NFE2L1: variants seen among roughly 807,000 people sequenced by gnomAD.
NFE2L1 encodes the protein endoplasmic reticulum membrane sensor NFE2L1.
Under a neutral mutation model 61.6 loss-of-function variants are expected in NFE2L1, and 18 were observed. The ratio of observed to expected loss-of-function variants is 0.29; its 90% CI spans 0.20 to 0.43. NFE2L1 has a LOEUF of 0.43. Ranked by LOEUF, NFE2L1 falls within the 20% of genes least tolerant of loss-of-function variation. NFE2L1 has a pLI of 1.00. For missense variants in NFE2L1, 827 were observed against 973.5 expected (o/e 0.85, Z 2.00); for synonymous variants, 419 against 402.7 (o/e 1.04, Z -0.48).
intron 5 of NFE2L1, 148 bp downstream of exon 5, chr17:48,057,650 G>C: frequency 1.9e-6 from 2 of 1,059,030 alleles, no homozygotes; most frequent in Non-Finnish European, 2.7e-6. Context: ...ACCTGTCCAG[G>C]TGTGTCCTTG....
rs2037529153 is a variant in NFE2L1 at position 48,060,584 on chromosome 17, T to G, written c.*943T>G. On this transcript the variant is annotated 3_prime_UTR_variant, in exon 6 of 6. Transcript: ENST00000362042. Reference sequence around the variant, plus strand: ...AGCTCTTCTGTAAGCTGGGGTAGGGTGATGGCAGTGCTCCGGGAACTGGGC... The same window carrying G: ...AGCTCTTCTGTAAGCTGGGGTAGGGGGATGGCAGTGCTCCGGGAACTGGGC... 6.5e-6 allele frequency: 1 copy of G among 152,716 alleles called. No homozygotes were observed. The highest frequency in any genetic ancestry group is 1.5e-5 in the Non-Finnish European group (1 of 68,188). 9.5% of individuals were successfully genotyped at this position (152,716 alleles called of 1,614,324 possible). A position where few individuals can be genotyped will look rare whatever the true frequency, so the allele number is the denominator to read the frequency against.
Position 48,058,831 on chromosome 17 carries a change from CTCTTCCTCTTCTTCCTCTGCT to C in NFE2L1, c.1519_1539del (p.Ser507_Ser513del). On this transcript the variant is annotated inframe_deletion, in exon 6 of 6. Coordinates refer to ENST00000362042, the MANE Select transcript of NFE2L1 (RefSeq NM_003204.3). ...GCAGTTCTTCCTCTTCTTCCTCCTC[CTCTTCCTCTTCTTCCTCTGCT>C]TCTTCCTCTGCCTCTTCCTCCTTTT... 1 of 1,613,938 alleles carries C rather than the reference CTCTTCCTCTTCTTCCTCTGCT, an allele frequency of 6.2e-7. No individual in the cohort carries two copies. The highest frequency in any genetic ancestry group is 8.5e-7 in the Non-Finnish European group (1 of 1,179,966).
chr17:48,052,870 A>G (rs1057400817), intron 2 of NFE2L1, among the ~76,000 whole-genome samples: 4 of 152,192 alleles, frequency 2.6e-5, no homozygotes, highest in Admixed American at 2.0e-4. Flanking sequence ...TCAGTAGTGC[A>G]GGGATTGAGA....
chr17:48,051,674 G>A (rs760134170), intron 2 of NFE2L1, 46 bp downstream of exon 2: 1 of 1,564,818 alleles, frequency 6.4e-7, no homozygotes, highest in Non-Finnish European at 8.6e-7. Flanking sequence ...GCTTGGGGGT[G>A]GGCTGGTCCC....
rs931177983 is a variant in NFE2L1, at chr17:48,050,624, C to A, written c.-495C>A. 2 of 411,304 alleles carry A rather than the reference C, an allele frequency of 4.9e-6. No individual in the cohort carries two copies. The highest frequency in any genetic ancestry group is 4.3e-6 in the Non-Finnish European group (1 of 232,416). 25.5% of individuals were successfully genotyped at this position (411,304 alleles called of 1,614,324 possible). ...CATTTCAGGTTTCTCTGGAAACCCC[C>A]CTGGTAAGTGTGGAGGAGGCGGGAC... is the stretch of plus-strand genomic sequence containing the variant. On this transcript the variant is annotated 5_prime_UTR_variant, in exon 2 of 6. Transcript: ENST00000362042.
rs763598840 is a variant in NFE2L1, at chr17:48,059,548, C to T, written c.2226C>T (p.Tyr742=). 9.5e-5 allele frequency: 153 copies of T among 1,612,032 alleles called. No individual in the cohort carries two copies. Among genetic ancestry groups the T allele is most frequent in the East Asian group, 2.2e-5 (1 of 44,816 alleles). The change falls in exon 6 of 6, where the codon TAC becomes TAT. Residue 742 remains tyrosine, a synonymous_variant. Transcript: ENST00000362042. This position sits in a 1 kb window ranked among gnomAD's most constrained non-coding sequence, Gnocchi z 6.1. ...PYSPSQYALQ[Y]AGDGSVLLIP... ...CGCCCAGTCAGTATGCGCTCCAGTA[C>T]GCCGGGGACGGCAGTGTCCTCCTCA...
At chr17:48,050,428 C>T (rs1337931318) in intron 1 of NFE2L1, among the ~76,000 whole-genome samples, 179 bp from the exon 2 acceptor site, 4 of 151,704 alleles carry the variant, frequency 2.6e-5, no homozygotes, top group African/African-American at 7.3e-5. Context: ...GCAGTGAGCA[C>T]AGATCACGCC....
intron 2 of NFE2L1, 58 bp downstream of exon 2, chr17:48,051,686 A>C (rs1418667548): frequency 2.6e-6 from 4 of 1,555,062 alleles, no homozygotes; most frequent in Non-Finnish European, 3.5e-6. Context: ...GCTGGTCCCA[A>C]AGGATTGTGG....
rs2037535819 is a variant in NFE2L1 at position 48,060,966 on chromosome 17, T to C, written c.*1325T>C. 1 of 152,642 alleles carries C rather than the reference T, an allele frequency of 6.6e-6. No individual in the cohort carries two copies. The highest frequency in any genetic ancestry group is 6.5e-5 in the Admixed American group (1 of 15,282). The allele number at this position is 152,642 out of a possible 1,614,324, so 9.5% of individuals were successfully genotyped here. ...CGTGTAACTGTGTGAACACTTGGGA[T>C]TTTTCTCCTCTGTCCCGAGGTCGTC... On this transcript the variant is annotated 3_prime_UTR_variant, in exon 6 of 6. Transcript: ENST00000362042.
rs1004434342 is a variant in NFE2L1, at chr17:48,057,365, A to G, written c.835A>G (p.Ile279Val). The G allele has an allele frequency of 6.2e-7, 1 of 1,613,930 alleles. No homozygotes were observed. The highest frequency in any genetic ancestry group is 8.5e-7 in the Non-Finnish European group (1 of 1,179,944). The change falls in exon 5 of 6, where the codon ATA becomes GTA. Residue 279 changes from isoleucine to valine, a missense_variant. Ile to Val is a conservative substitution (Grantham distance 29, BLOSUM62 3). Coordinates refer to ENST00000362042, the MANE Select transcript of NFE2L1 (RefSeq NM_003204.3). The stretch of plus-strand genomic sequence containing the variant: ...CTAGTTTCCAGCAGACATTTCCAGC[A>G]TAACAGAAGCAGTGCCTAGTGAGAG... ...NAEFPADISS[I>V]TEAVPSESEP...
At chr17:48,050,547 C>T in intron 1 of NFE2L1, 60 bp from the exon 2 acceptor site, 1 of 405,272 alleles carries the variant, frequency 2.5e-6, no homozygotes, top group Non-Finnish European at 4.4e-6. Flanking sequence ...TTTTCCTACC[C>T]TGATCATGAT....
At position 48,056,517 on chromosome 17, in the gene NFE2L1, C is replaced by T. The variant is rs774746660; in HGVS notation, c.642C>T (p.Asp214=). ...AGCTGCGAGATGGAGGCGAGCAGGA[C>T]ACCTGGGCAGGCGAGGGCGCGGAAG... ...EKELRDGGEQ[D]TWAGEGAEAL... Residue 214 remains aspartate (D), a synonymous_variant, in exon 3 of 6, where the codon GAC becomes GAT. Coordinates refer to ENST00000362042, the MANE Select transcript of NFE2L1 (RefSeq NM_003204.3). 8 of 1,614,190 alleles carry T rather than the reference C, an allele frequency of 5.0e-6. No individual in the cohort carries two copies. In the South Asian group the frequency reaches 7.7e-5, roughly 16 times the overall value.
intron 2 of NFE2L1, chr17:48,054,720 C>G: frequency 1.5e-6 from 2 of 1,292,494 alleles, no homozygotes; most frequent in Non-Finnish European, 2.0e-6. Flanking sequence ...AGCTTGAGCA[C>G]GGAGCATGGG....
At chr17:48,054,937 T>G in intron 2 of NFE2L1, 1 of 1,438,924 alleles carries the variant, frequency 6.9e-7, no homozygotes, top group South Asian at 1.4e-5. Context: ...CAGCCTGGTG[T>G]GCTCCCTGAA....
chr17:48,055,928 G>C (rs913195194), intron 2 of NFE2L1: 3 of 166,440 alleles, frequency 1.8e-5, no homozygotes, highest in Non-Finnish European at 4.0e-5. Context: ...GGTACCACAG[G>C]CTGATGCAAG....
chr17:48,052,296 C>T (rs1236267731), intron 2 of NFE2L1, among the ~76,000 whole-genome samples: 1 of 152,206 alleles, frequency 6.6e-6, no homozygotes, highest in African/African-American at 2.4e-5. Flanking sequence ...TGTCACATGG[C>T]TGACATACTG....
chr17:48,052,994 T>C (rs185326908), intron 2 of NFE2L1, among the ~76,000 whole-genome samples: 19 of 152,294 alleles, frequency 1.2e-4, no homozygotes, highest in African/African-American at 4.6e-4. Context: ...TTAATTTAGC[T>C]TCTTACAGGG....
intron 5 of NFE2L1, 141 bp downstream of exon 5, chr17:48,057,643 T>C (rs1567755067): frequency 9.4e-7 from 1 of 1,065,082 alleles, no homozygotes; most frequent in East Asian, 2.6e-5. Context: ...AGAAGAAACC[T>C]GTCCAGGTGT....
Position 48,056,521 on chromosome 17 carries a change from T to G in NFE2L1, c.646T>G (p.Trp216Gly). The change falls in exon 3 of 6, where the codon TGG (tryptophan) becomes GGG (glycine). Residue 216 changes from tryptophan to glycine, a missense_variant. Physicochemically the swap from Trp to Gly is radical, Grantham distance 184. Around this residue, in one of 3 missense-constraint regions of NFE2L1, gnomAD observed 667 missense variants for 748.4 expected, o/e 0.89. Coordinates refer to ENST00000362042, the MANE Select transcript of NFE2L1 (RefSeq NM_003204.3). ...GCGAGATGGAGGCGAGCAGGACACC[T>G]GGGCAGGCGAGGGCGCGGAAGCTCT... ...ELRDGGEQDT[W>G]AGEGAEALAR... is the part of the protein sequence containing the mutation. The G allele has an allele frequency of 6.2e-7, 1 of 1,614,154 alleles. No individual in the cohort carries two copies. Among genetic ancestry groups the G allele is most frequent in the Non-Finnish European group, 8.5e-7 (1 of 1,180,018 alleles).
Sources: allele counts gnomAD v4.1 joint callset (sites outside exome capture counted in the v4.1 genomes callset), GRCh38; gene constraint gnomAD v4.1.1; regional missense constraint gnomAD v4.1.1; non-coding constraint Gnocchi (gnomAD v3.1); transcripts MANE v1.5; gene names NCBI Gene and HGNC (gene_info 2026-07-23, HGNC 2026-07-21).